ZNF383: variants seen among roughly 807,000 people sequenced by gnomAD.
The protein encoded by ZNF383 is zinc finger protein 383.
Under a neutral mutation model 44.2 loss-of-function variants are expected in ZNF383, and 32 were observed. The ratio of observed to expected loss-of-function variants is 0.72; its 90% CI spans 0.55 to 0.97. The LOEUF (loss-of-function observed/expected upper bound fraction) is 0.97, where lower values mean the gene tolerates loss of function less well. Ranked by LOEUF, ZNF383 falls within the 50% of genes least tolerant of loss-of-function variation. The probability of loss-of-function intolerance (pLI) is 0.00; values close to 1 mark genes in which losing one functional copy is unlikely to be tolerated. For missense variants in ZNF383, 487 were observed against 562.5 expected (o/e 0.87, Z 1.36); for synonymous variants, 155 against 186.2 (o/e 0.83, Z 1.36).
rs1335128538 is a variant in ZNF383 at position 37,242,486 on chromosome 19, G to A, written c.250G>A (p.Glu84Lys). Residue 84 changes from glutamate (E) to lysine (K), a missense_variant, in exon 6 of 6, where the codon GAA becomes AAA. Glu to Lys is a moderately conservative substitution (Grantham distance 56, BLOSUM62 1). Transcript: ENST00000684119. ...GLCSDLESMCETKLLSLKKEV... is the reference protein window; with the variant it reads ...GLCSDLESMCKTKLLSLKKEV... ...TCTTTCAGATCTGGAATCGATGTGTGAAACCAAGTTATTATCTCTAAAGAA... is the reference window on the plus strand; with the variant it reads ...TCTTTCAGATCTGGAATCGATGTGTAAAACCAAGTTATTATCTCTAAAGAA... The A allele has an allele frequency of 3.8e-6, 6 of 1,591,674 alleles. No homozygotes were observed. Among genetic ancestry groups the A allele is most frequent in the Admixed American group, 1.7e-5 (1 of 57,216 alleles).
intron 1 of ZNF383, among the ~76,000 whole-genome samples, chr19:37,224,231 C>T (rs73627729): frequency 2.0e-5 from 3 of 151,808 alleles, no homozygotes; most frequent in Non-Finnish European, 4.4e-5. Context: ...CTGTACATAA[C>T]GAACATATAT....
intron 4 of ZNF383, 65 bp from the exon 5 acceptor site, chr19:37,235,911 GATC>G (rs1973767401): frequency 7.1e-7 from 1 of 1,398,932 alleles, no homozygotes; most frequent in African/African-American, 1.4e-5. Flanking sequence ...CTCTTCCTGT[GATC>G]ATCAAGGGAC....
At position 37,226,792 on chromosome 19, in the gene ZNF383, C is replaced by T. The variant is rs1398980212; in HGVS notation, c.-46+1853C>T. The T allele has an allele frequency of 4.6e-5, 7 of 151,930 alleles. 1 individual carries two copies. In the East Asian group the frequency reaches 9.6e-4, roughly 21 times the overall value. 9.4% of individuals were successfully genotyped at this position (151,930 alleles called of 1,614,324 possible). A position where few individuals can be genotyped will look rare whatever the true frequency, so the allele number is the denominator to read the frequency against. On this transcript the variant is annotated intron_variant, in intron 2 of 5. Transcript: ENST00000684119. ...GCAGTTTCACTATAAGATATATTGACCTGGGGTAGTCGTATTTTTAAAATT... is the reference window on the plus strand; with the variant it reads ...GCAGTTTCACTATAAGATATATTGATCTGGGGTAGTCGTATTTTTAAAATT...
intron 2 of ZNF383, among the ~76,000 whole-genome samples, chr19:37,226,830 C>CT (rs1313374097): frequency 6.6e-6 from 1 of 151,842 alleles, no homozygotes; most frequent in Non-Finnish European, 1.5e-5. Context: ...TTTATTTATT[C>CT]TTTTTTTGAG....
intron 1 of ZNF383, among the ~76,000 whole-genome samples, chr19:37,220,619 A>G (rs1156804373): frequency 6.6e-6 from 1 of 151,400 alleles, no homozygotes; most frequent in East Asian, 1.9e-4. Flanking sequence ...AATAGTTAAA[A>G]TATAGATGTA....
chr19:37,233,390 C>T (rs1276530618), intron 3 of ZNF383, among the ~76,000 whole-genome samples: 1 of 150,790 alleles, frequency 6.6e-6, no homozygotes, highest in Non-Finnish European at 1.5e-5. Context: ...CTTGGCCTCC[C>T]AAAGTTCTGG....
At chr19:37,226,881 C>T (rs960391980) in intron 2 of ZNF383, among the ~76,000 whole-genome samples, 6 of 152,048 alleles carry the variant, frequency 3.9e-5, no homozygotes, top group Admixed American at 2.6e-4. Flanking sequence ...TGCAGTGGTA[C>T]GATCTCAGCT....
At chr19:37,226,001 A>G (rs547237725) in intron 2 of ZNF383, among the ~76,000 whole-genome samples, 2 of 146,924 alleles carry the variant, frequency 1.4e-5, no homozygotes, top group East Asian at 2.0e-4. Flanking sequence ...GGGTTTCACC[A>G]TGTTGCCCAG....
chr19:37,230,295 G>A (rs1210970590), intron 2 of ZNF383, 114 bp from the exon 3 acceptor site: 4 of 644,108 alleles, frequency 6.2e-6, no homozygotes, highest in East Asian at 5.4e-5. Flanking sequence ...CTACTAACTG[G>A]AGTTGTATCT....
chr19:37,234,955 C>A (rs1973707845), intron 3 of ZNF383, among the ~76,000 whole-genome samples: 2 of 152,040 alleles, frequency 1.3e-5, no homozygotes, highest in South Asian at 4.1e-4. Flanking sequence ...ACCTTGGTTT[C>A]TTTTATTTGA....
rs755832654 is a variant in ZNF383 at position 37,243,655 on chromosome 19, TAATA to T, written c.1425_1428del (p.Lys475AsnfsTer4). Reference sequence around the variant, plus strand: ...TCATTCGTCATCAGGGAATTCATACTAATAAATAATAAAAATTAAAGCCCCTGTC... The same window carrying T: ...TCATTCGTCATCAGGGAATTCATACTAATAATAAAAATTAAAGCCCCTGTC... On this transcript the variant is annotated frameshift_variant, in exon 6 of 6. Transcript: ENST00000684119. LOFTEE classifies it high-confidence loss of function. 2.9e-5 allele frequency: 43 copies of T among 1,504,984 alleles called. No individual in the cohort carries two copies. The highest frequency in any genetic ancestry group is 3.5e-5 in the Non-Finnish European group (39 of 1,125,644). 93.2% of individuals were successfully genotyped at this position (1,504,984 alleles called of 1,614,324 possible).
chr19:37,248,622 A>G lies in ZNF383; in HGVS notation c.*4958A>G, dbSNP rs907070758. 5 of 152,226 alleles carry G rather than the reference A, an allele frequency of 3.3e-5. No homozygotes were observed. The highest frequency in any genetic ancestry group is 9.6e-5 in the African/African-American group (4 of 41,474). 9.4% of individuals were successfully genotyped at this position (152,226 alleles called of 1,614,324 possible). ...TGGGATTGCAAAAGTTCAAATAACT[A>G]AAGTTCTGTCAATGAAAATATATGC... On this transcript the variant is annotated 3_prime_UTR_variant, in exon 6 of 6. Coordinates refer to ENST00000684119, the MANE Select transcript of ZNF383 (RefSeq NM_001387601.1).
chr19:37,236,990 CACACAGAG>C (rs1324903913), intron 5 of ZNF383, among the ~76,000 whole-genome samples: 6 of 146,564 alleles, frequency 4.1e-5, no homozygotes, highest in African/African-American at 1.3e-4. Flanking sequence ...CACACACACA[CACACAGAG>C]ACACACACAC....
intron 1 of ZNF383, among the ~76,000 whole-genome samples, chr19:37,223,988 C>G (rs1034086770): frequency 6.6e-6 from 1 of 151,710 alleles, no homozygotes; most frequent in Non-Finnish European, 1.5e-5. Context: ...GAGCCAAGAT[C>G]GCGCCACTGC....
chr19:37,232,858 A>C (rs1973566181), intron 3 of ZNF383, among the ~76,000 whole-genome samples: 1 of 152,240 alleles, frequency 6.6e-6, no homozygotes, highest in Non-Finnish European at 1.5e-5. Context: ...CATTTTTAAT[A>C]TGATCAGTCC....
At chr19:37,220,570 T>A (rs544638250) in intron 1 of ZNF383, among the ~76,000 whole-genome samples, 1 of 146,400 alleles carries the variant, frequency 6.8e-6, no homozygotes, top group Non-Finnish European at 1.5e-5. Context: ...TTTTTTTTTT[T>A]GTTGTTGTTT....
At position 37,247,998 on chromosome 19, in the gene ZNF383, T is replaced by A. The variant is rs1974430470; in HGVS notation, c.*4334T>A. On this transcript the variant is annotated 3_prime_UTR_variant, in exon 6 of 6. Coordinates refer to ENST00000684119, the MANE Select transcript of ZNF383 (RefSeq NM_001387601.1). ...AAAAATACAAAAAATTAGCCGGGCG[T>A]GGTGGCTCATGCCTGTAATCCCGGC... 6.6e-6 allele frequency: 1 copy of A among 151,704 alleles called. No individual in the cohort carries two copies. Among genetic ancestry groups the A allele is most frequent in the Admixed American group, 6.6e-5 (1 of 15,244 alleles). The allele number at this position is 151,704 out of a possible 1,614,324, so 9.4% of individuals were successfully genotyped here.
intron 5 of ZNF383, among the ~76,000 whole-genome samples, chr19:37,238,884 G>A (rs889179554): frequency 1.3e-5 from 2 of 152,194 alleles, no homozygotes; most frequent in Admixed American, 1.3e-4. Flanking sequence ...GTAGAATTCA[G>A]GGAGTCCATG....
chr19:37,218,349 G>A (rs1411973986), intron 1 of ZNF383, 75 bp downstream of exon 1: 1 of 152,866 alleles, frequency 6.5e-6, no homozygotes, highest in Non-Finnish European at 1.5e-5. Flanking sequence ...TGTCGGGCAT[G>A]TATGAGTTGG....
Sources: allele counts gnomAD v4.1 joint callset (sites outside exome capture counted in the v4.1 genomes callset), GRCh38; gene constraint gnomAD v4.1.1; transcripts MANE v1.5; gene names NCBI Gene and HGNC (gene_info 2026-07-23, HGNC 2026-07-21).